FILIP1: variants seen among roughly 807,000 people sequenced by gnomAD.
FILIP1 encodes the protein filamin-A-interacting protein 1.
In FILIP1, 61 loss-of-function variants were observed where a neutral mutation model predicts 102.1. The ratio of observed to expected loss-of-function variants is 0.60; its 90% CI spans 0.49 to 0.74. The LOEUF is 0.74. FILIP1 is among the 30% of genes least tolerant of loss of function. The probability of loss-of-function intolerance (pLI) is 0.00; values close to 1 mark genes in which losing one functional copy is unlikely to be tolerated. For missense variants in FILIP1, 1,314 were observed against 1,441.2 expected (o/e 0.91, Z 1.43); for synonymous variants, 491 against 526.9 (o/e 0.93, Z 0.93).
In FILIP1 at chr6:75,314,326, C is replaced by T; in HGVS notation, c.1506G>A (p.Lys502=). 2 of 1,520,486 alleles carry T rather than the reference C, an allele frequency of 1.3e-6. No homozygotes were observed. The highest frequency in any genetic ancestry group is 2.3e-5 in the East Asian group (1 of 42,904). 94.2% of individuals were successfully genotyped at this position (1,520,486 alleles called of 1,614,324 possible). Residue 502 remains lysine, a synonymous_variant, in exon 5 of 6, where the codon AAG becomes AAA. Coordinates refer to ENST00000237172, the MANE Select transcript of FILIP1 (RefSeq NM_015687.5). ...CATCAACCAGCATCACGGTAAATGA[C>T]TTCAACTTGGTAAGATCATCTTTTA... is the stretch of plus-strand genomic sequence containing the variant. ...LSLKDDLTKL[K]SFTVMLVDER... is the part of the protein sequence containing the mutation.
chr6:75,308,566 G>C lies in FILIP1; in HGVS notation c.*125C>G, dbSNP rs1262675692. 3 of 1,500,750 alleles carry C rather than the reference G, an allele frequency of 2.0e-6. No homozygotes were observed. Among genetic ancestry groups the C allele is most frequent in the African/African-American group, 2.8e-5 (2 of 70,794 alleles). 93.0% of individuals were successfully genotyped at this position (1,500,750 alleles called of 1,614,324 possible). On this transcript the variant is annotated 3_prime_UTR_variant, in exon 6 of 6. Transcript: ENST00000237172. ...GGGAAAGACAAATGGTTATTAGTTG[G>C]TTATTTTATAAACACAATATTTAAA...
intron 4 of FILIP1, among the ~76,000 whole-genome samples, chr6:75,339,575 CT>C (rs1162842222): frequency 6.6e-6 from 1 of 152,192 alleles, no homozygotes; most frequent in Non-Finnish European, 1.5e-5. Context: ...TTTTATGCAG[CT>C]GTTGGGAAAA....
intron 6 of FILIP1, among the ~76,000 whole-genome samples, chr6:75,302,883 C>T (rs145801706): frequency 6.7e-6 from 1 of 150,074 alleles, no homozygotes; most frequent in Non-Finnish European, 1.5e-5. Context: ...GATCAACTTG[C>T]ATTTTGGAAA....
intron 6 of FILIP1, among the ~76,000 whole-genome samples, chr6:75,299,938 G>A (rs1049979445): frequency 6.6e-6 from 1 of 152,094 alleles, no homozygotes; most frequent in African/African-American, 2.4e-5. Context: ...GAAATTTGGG[G>A]GAGAATGTTT....
chr6:75,313,270 G>A lies in FILIP1; in HGVS notation c.2562C>T (p.Asp854=), dbSNP rs1439222355. 6.2e-7 allele frequency: 1 copy of A among 1,614,050 alleles called. No homozygotes were observed. The highest frequency in any genetic ancestry group is 8.5e-7 in the Non-Finnish European group (1 of 1,180,042). The change falls in exon 5 of 6, where the codon GAC becomes GAT. Residue 854 remains aspartate (D), a synonymous_variant. Coordinates refer to ENST00000237172, the MANE Select transcript of FILIP1 (RefSeq NM_015687.5). The surrounding 1 kb of genome is among the most constrained non-coding windows in gnomAD (Gnocchi z 4.2). ...KKPVERSSVL[D]RYPPAANELT... is the part of the protein sequence containing the mutation. ...GCTCATTTGCTGCTGGAGGATACCT[G>A]TCTAGAACAGAAGATCTTTCCACGG...
At chr6:75,372,619 GAAAAAGAAAGAA>G (rs1775562446) in intron 2 of FILIP1, among the ~76,000 whole-genome samples, 1 of 34,330 alleles carries the variant, frequency 2.9e-5, no homozygotes, top group Non-Finnish European at 6.2e-5. Context: ...AAGAAAGAAA[GAAAAAGAAAGAA>G]AGAAAGAAAG....
At position 75,313,748 on chromosome 6, in the gene FILIP1, T is replaced by C; in HGVS notation, c.2084A>G (p.Glu695Gly). The stretch of plus-strand genomic sequence containing the variant: ...TTCCTGGCTCACAACCTCACCCTTC[T>C]CTATTGCTTTATTCTTGGCAATTTG... ...KHQIAKNKAIEKGEVVSQEAE... is the reference protein window; with the variant it reads ...KHQIAKNKAIGKGEVVSQEAE... The change falls in exon 5 of 6, where the codon GAG (glutamate) becomes GGG (glycine). Residue 695 changes from glutamate to glycine, a missense_variant. This residue lies in a region of FILIP1 where 816 missense variants were observed against 913.1 expected (regional missense o/e 0.89). Transcript: ENST00000237172. The surrounding 1 kb of genome is among the most constrained non-coding windows in gnomAD (Gnocchi z 4.2). 2 of 1,584,688 alleles carry C rather than the reference T, an allele frequency of 1.3e-6. No homozygotes were observed. The highest frequency in any genetic ancestry group is 1.7e-6 in the Non-Finnish European group (2 of 1,168,634).
intron 4 of FILIP1, among the ~76,000 whole-genome samples, chr6:75,342,411 CGT>C (rs1276859555): frequency 2.0e-5 from 3 of 152,220 alleles, no homozygotes; most frequent in African/African-American, 7.2e-5. Flanking sequence ...CTCACACTCA[CGT>C]GTGCAAGAAA....
At chr6:75,441,267 C>A (rs1778208897) in intron 1 of FILIP1, among the ~76,000 whole-genome samples, 1 of 151,964 alleles carries the variant, frequency 6.6e-6, no homozygotes. Context: ...TGAGTGGACA[C>A]AGCACATGTT....
intron 2 of FILIP1, among the ~76,000 whole-genome samples, chr6:75,387,147 C>A (rs1776125187): frequency 6.6e-6 from 1 of 152,078 alleles, no homozygotes; most frequent in Non-Finnish European, 1.5e-5. Flanking sequence ...TGTTAGTTTG[C>A]TGAGAATGAT....
intron 1 of FILIP1, among the ~76,000 whole-genome samples, chr6:75,435,194 G>A (rs1419136012): frequency 6.6e-6 from 1 of 152,124 alleles, no homozygotes; most frequent in Non-Finnish European, 1.5e-5. Flanking sequence ...GATAATGCTG[G>A]CCTCATAAAA....
chr6:75,446,668 C>T (rs2149729090), intron 1 of FILIP1, among the ~76,000 whole-genome samples: 1 of 152,228 alleles, frequency 6.6e-6, no homozygotes, highest in African/African-American at 2.4e-5. Context: ...TAGTTTCTAG[C>T]CGCAACCATC....
chr6:75,351,075 T>G (rs1054518435), intron 4 of FILIP1, among the ~76,000 whole-genome samples: 1 of 152,198 alleles, frequency 6.6e-6, no homozygotes, highest in African/African-American at 2.4e-5. Context: ...AGAGTACTTT[T>G]TTTTTTTGGA....
chr6:75,308,690 C>T lies in FILIP1; in HGVS notation c.*1G>A. 6.2e-7 allele frequency: 1 copy of T among 1,612,710 alleles called. No individual in the cohort carries two copies. On this transcript the variant is annotated 3_prime_UTR_variant, in exon 6 of 6. Coordinates refer to ENST00000237172, the MANE Select transcript of FILIP1 (RefSeq NM_015687.5). ...ACAACATACCCCCTTAGCCACTGCC[C>T]TCAGCCCTTCCCCCCTCCGAGAGAG... is the stretch of plus-strand genomic sequence containing the variant.
At chr6:75,469,749 T>G (rs188563999) in intron 1 of FILIP1, among the ~76,000 whole-genome samples, 2 of 152,050 alleles carry the variant, frequency 1.3e-5, no homozygotes, top group South Asian at 4.1e-4. Flanking sequence ...ATACAAAATA[T>G]AGCTTTTTAA....
intron 4 of FILIP1, among the ~76,000 whole-genome samples, chr6:75,324,168 C>G (rs959190264): frequency 6.6e-6 from 1 of 152,084 alleles, no homozygotes; most frequent in Non-Finnish European, 1.5e-5. Flanking sequence ...CAGAAAGCTT[C>G]TAGATCTGAT....
intron 2 of FILIP1, among the ~76,000 whole-genome samples, chr6:75,388,347 T>A (rs1348919644): frequency 6.6e-6 from 1 of 152,224 alleles, no homozygotes; most frequent in Non-Finnish European, 1.5e-5. Context: ...TTGCTTAGGA[T>A]TTTCTTGGCT....
chr6:75,295,927 G>A lies in FILIP1; in HGVS notation c.3517C>T (p.Arg1173Ter). 1 of 1,458,956 alleles carries A rather than the reference G, an allele frequency of 6.9e-7. No individual in the cohort carries two copies. Among genetic ancestry groups the A allele is most frequent in the South Asian group, 1.4e-5 (1 of 71,550 alleles). 90.4% of individuals were successfully genotyped at this position (1,458,956 alleles called of 1,614,324 possible). The change falls in exon 7 of 7, where the codon CGA (arginine) becomes TGA (stop). Residue 1173 changes from arginine (R) to a stop codon, truncating the protein, a stop_gained. Coordinates refer to the FILIP1 transcript ENST00000393004. LOFTEE classifies it high-confidence loss of function. Reference sequence around the variant, plus strand: ...TTACCATTTCATCTGGAGTTCATTCGTAACTGGTGAATGATGATGCTTTCT... The same window carrying A: ...TTACCATTTCATCTGGAGTTCATTCATAACTGGTGAATGATGATGCTTTCT...
chr6:75,319,892 T>C, intron 4 of FILIP1: 1 of 464,494 alleles, frequency 2.2e-6, no homozygotes, highest in South Asian at 2.4e-5. Flanking sequence ...TGGGTGCTTC[T>C]TCTTATGCTC....
Sources: gnomAD v4.1 joint callset for allele counts (sites outside exome capture counted in the v4.1 genomes callset) on GRCh38, gnomAD v4.1.1 for gene constraint, gnomAD v4.1.1 regional missense constraint, Gnocchi (gnomAD v3.1) non-coding constraint, MANE v1.5 for transcripts, NCBI Gene and HGNC (gene_info 2026-07-23, HGNC 2026-07-21) for gene names.